The following CCDC30 variants were observed in gnomAD, a reference collection of about 807,000 sequenced individuals.
CCDC30 encodes coiled-coil domain-containing protein 30.
CCDC30 carries 70 observed loss-of-function variants against 100.2 expected under a neutral mutation model. The ratio of observed to expected loss-of-function variants is 0.70; its 90% confidence interval spans 0.58 to 0.85. CCDC30 has a LOEUF of 0.85. Ranked by LOEUF, CCDC30 falls within the 40% of genes least tolerant of loss-of-function variation. The pLI is 0.00. For synonymous variants in CCDC30, 233 were observed against 269.5 expected (o/e 0.86, Z 1.33); for missense variants, 652 against 771.2 (o/e 0.85, Z 1.83).
chr1:42,539,462 G>A, intron 6 of CCDC30, 152 bp downstream of exon 8: 1 of 554,058 alleles, frequency 1.8e-6, no homozygotes, highest in Non-Finnish European at 2.9e-6. Flanking sequence ...GCCATATACT[G>A]TGGATTATGA....
intron 15 of CCDC30, among the ~76,000 whole-genome samples, chr1:42,653,098 A>G (rs1182097490): frequency 3.3e-5 from 5 of 152,222 alleles, no homozygotes; most frequent in Non-Finnish European, 7.3e-5. Flanking sequence ...TCCAAAATTT[A>G]TATAACAAAA....
intron 11 of CCDC30, among the ~76,000 whole-genome samples, chr1:42,621,378 C>G (rs563464316): frequency 1.3e-4 from 20 of 150,622 alleles, no homozygotes; most frequent in African/African-American, 4.6e-4. Context: ...TGCAGTGGCG[C>G]AATCTCAGCT....
intron 6 of CCDC30, among the ~76,000 whole-genome samples, chr1:42,565,916 G>GAC (rs10624633): frequency 0.37 from 55,398 of 149,750 alleles, 10,457 homozygotes; most frequent in East Asian, 0.56. Flanking sequence ...ACACCACACA[G>GAC]ACACACACAC....
chr1:42,507,652 A>C (rs1644415965), intron 6 of CCDC30, among the ~76,000 whole-genome samples: 2 of 152,230 alleles, frequency 1.3e-5, no homozygotes, highest in Non-Finnish European at 2.9e-5. Context: ...AGTAACTCAT[A>C]GCAATTTTTA....
At chr1:42,650,497 A>ATATATGTGTGTGTG (rs1181889086) in intron 15 of CCDC30, among the ~76,000 whole-genome samples, 88 of 136,290 alleles carry the variant, frequency 6.5e-4, no homozygotes, top group African/African-American at 2.2e-3. Flanking sequence ...AAAAATATAT[A>ATATATGTGTGTGTG]TGTGTGTGTG....
intron 6 of CCDC30, among the ~76,000 whole-genome samples, chr1:42,528,237 T>C (rs1457923428): frequency 6.6e-6 from 1 of 152,244 alleles, no homozygotes; most frequent in Non-Finnish European, 1.5e-5. Context: ...GTGCTAGCTC[T>C]GATAAGTTGT....
At chr1:42,575,928 G>A (rs188370926) in intron 7 of CCDC30, among the ~76,000 whole-genome samples, 5 of 152,224 alleles carry the variant, frequency 3.3e-5, no homozygotes, top group Admixed American at 2.6e-4. Flanking sequence ...TCTGGCAGAG[G>A]GAAGTGTGGA....
chr1:42,489,572 T>C (rs1168091564), intron 3 of CCDC30, among the ~76,000 whole-genome samples: 1 of 152,166 alleles, frequency 6.6e-6, no homozygotes, highest in Non-Finnish European at 1.5e-5. Flanking sequence ...TCTGATAATA[T>C]AGGCGATCCA....
upstream of CCDC30, chr1:42,460,022 TG>T: frequency 4.8e-6 from 7 of 1,455,566 alleles, no homozygotes; most frequent in South Asian, 1.0e-4. Context: ...ACAGATAAAA[TG>T]AAAGAAAGGG....
intron 6 of CCDC30, among the ~76,000 whole-genome samples, chr1:42,543,532 G>T (rs934902359): frequency 6.6e-6 from 1 of 152,108 alleles, no homozygotes; most frequent in African/African-American, 2.4e-5. Flanking sequence ...TGTTGGCCAG[G>T]CTGGTCTCAA....
At chr1:42,459,749 A>G (rs1643356254), upstream of CCDC30, 1 of 1,614,234 alleles carries the variant, frequency 6.2e-7, no homozygotes, top group Non-Finnish European at 8.5e-7. Context: ...ATCAGCATCA[A>G]GTGGTGGTGG....
chr1:42,536,816 G>A (rs1315033886), intron 6 of CCDC30: 3 of 494,500 alleles, frequency 6.1e-6, no homozygotes, highest in Non-Finnish European at 1.1e-5. Context: ...TCAGTTCCTG[G>A]TGAGGGTTCT....
chr1:42,630,084 C>T (rs1181191962), intron 11 of CCDC30, among the ~76,000 whole-genome samples: 1 of 148,738 alleles, frequency 6.7e-6, no homozygotes, highest in African/African-American at 2.5e-5. Flanking sequence ...AAGCGATTCT[C>T]CTGCCTCAGC....
intron 11 of CCDC30, among the ~76,000 whole-genome samples, chr1:42,620,699 C>T (rs1025983185): frequency 2.6e-5 from 4 of 151,898 alleles, no homozygotes; most frequent in African/African-American, 4.8e-5. Context: ...TGGTTTATTA[C>T]AGTGAAAGGA....
In CCDC30 at chr1:42,644,848, A is replaced by C. The variant is rs150209457; in HGVS notation, c.1671+41A>C. On this transcript the variant is annotated intron_variant, in intron 14 of 16. Transcript: ENST00000668663. ...CCTATTGGGCCTGCCTTTAATGTGA[A>C]GTTCGGGTTGCTACGGCTGCTGTGC... The C allele has an allele frequency of 1.2e-3, 1,564 of 1,286,204 alleles. 23 individuals are homozygous for C. The African/African-American group carries it at 0.021, about 17-fold the overall frequency. The allele number at this position is 1,286,204 out of a possible 1,614,324, so 79.7% of individuals were successfully genotyped here. A position where few individuals can be genotyped will look rare whatever the true frequency, so the allele number is the denominator to read the frequency against.
In CCDC30 at chr1:42,615,923, G is replaced by GT. The variant is rs750841890; in HGVS notation, c.1277+4833_1277+4834insT. On this transcript the variant is annotated intron_variant, in intron 11 of 16. Transcript: ENST00000668663. ...TTTTGAACTTGTTTTTTGTTTTTTT[G>GT]GTTTTTTTTTTAGATGGAGTCTCGC... 1.2e-3 allele frequency among the ~76,000 whole-genome samples: 173 copies of GT among 149,312 alleles called. 2 individuals carry two copies. In the East Asian group the frequency reaches 0.019, roughly 16 times the overall value.
chr1:42,508,295 G>A (rs538570777), intron 6 of CCDC30, among the ~76,000 whole-genome samples: 4 of 152,258 alleles, frequency 2.6e-5, no homozygotes, highest in African/African-American at 9.6e-5. Context: ...CTTCTACCAC[G>A]CATCTCATTG....
intron 3 of CCDC30, among the ~76,000 whole-genome samples, chr1:42,487,059 C>A (rs1644062401): frequency 6.8e-6 from 1 of 148,138 alleles, no homozygotes; most frequent in Admixed American, 6.8e-5. Context: ...AGAAGAATCA[C>A]CTAGCCTATG....
rs78150207 is a variant in CCDC30, at chr1:42,516,866, A to G, written c.456+17950A>G. On this transcript the variant is annotated intron_variant, in intron 6 of 16. Transcript: ENST00000668663. Reference sequence around the variant, plus strand: ...TTTGATTTGCATTTCCCTAGTGATTATTAATGTTAGCATCTTTTGAGGTGT... The same window carrying G: ...TTTGATTTGCATTTCCCTAGTGATTGTTAATGTTAGCATCTTTTGAGGTGT... Among the ~76,000 whole-genome samples, 1,288 of 152,304 alleles carry G rather than the reference A, an allele frequency of 8.5e-3. 10 individuals are homozygous for G. Among genetic ancestry groups the G allele is most frequent in the Non-Finnish European group, 0.014 (924 of 68,014 alleles).
Sources: gnomAD v4.1 joint callset for allele counts (sites outside exome capture counted in the v4.1 genomes callset) on GRCh38, gnomAD v4.1.1 for gene constraint, MANE v1.5 for transcripts, NCBI Gene and HGNC (gene_info 2026-07-23, HGNC 2026-07-21) for gene names.